The following SLC25A26 variants were observed in gnomAD, a reference collection of about 807,000 sequenced individuals.
The protein encoded by SLC25A26 is mitochondrial S-adenosylmethionine carrier protein.
SLC25A26 carries 36 observed loss-of-function variants against 37.8 expected under a neutral mutation model. The ratio of observed to expected loss-of-function variants is 0.95; its 90% CI spans 0.73 to 1.26. SLC25A26 has a LOEUF of 1.26. Among genes scored for constraint, SLC25A26 ranks in the 50% most tolerant of loss-of-function variants. The pLI is 0.00. For synonymous variants in SLC25A26, 129 were observed against 122.5 expected (o/e 1.05, Z -0.35); for missense variants, 390 against 331.1 (o/e 1.18, Z -1.38).
chr3:66,292,612 A>C (rs1000169190), intron 5 of SLC25A26, among the ~76,000 whole-genome samples: 4 of 152,150 alleles, frequency 2.6e-5, no homozygotes, highest in African/African-American at 7.2e-5. Context: ...AAGAATGTTG[A>C]ATATTGGCCT....
At chr3:66,310,528 G>A (rs191747961) in intron 5 of SLC25A26, among the ~76,000 whole-genome samples, 3 of 152,162 alleles carry the variant, frequency 2.0e-5, no homozygotes, top group East Asian at 1.9e-4. Context: ...GTGTGAATTC[G>A]ATCTGTCATG....
At chr3:66,344,759 T>C (rs1490805014) in intron 5 of SLC25A26, among the ~76,000 whole-genome samples, 2 of 152,214 alleles carry the variant, frequency 1.3e-5, no homozygotes, top group Non-Finnish European at 2.9e-5. Context: ...TCTTAGGAAA[T>C]ATGACATGGG....
chr3:66,333,222 ATTC>A (rs1270366634), intron 5 of SLC25A26, among the ~76,000 whole-genome samples: 4 of 152,130 alleles, frequency 2.6e-5, no homozygotes, highest in African/African-American at 9.7e-5. Flanking sequence ...CCAAGCAAAT[ATTC>A]TTCTGCTTTA....
At chr3:66,258,858 T>G (rs1311057289) in intron 3 of SLC25A26, among the ~76,000 whole-genome samples, 6 of 151,530 alleles carry the variant, frequency 4.0e-5, no homozygotes, top group Non-Finnish European at 7.4e-5. Flanking sequence ...TTTTTTTTTT[T>G]TAATTATTAA....
At chr3:66,291,416 T>C (rs532992501) in intron 5 of SLC25A26, among the ~76,000 whole-genome samples, 1 of 152,238 alleles carries the variant, frequency 6.6e-6, no homozygotes, top group African/African-American at 2.4e-5. Context: ...TTTAGATCTT[T>C]CCTGCTTTCT....
In SLC25A26 at chr3:66,263,386, C is replaced by T. The variant is rs776771859; in HGVS notation, c.453+7C>T. The T allele has an allele frequency of 1.1e-5, 18 of 1,590,156 alleles. No homozygotes were observed. The East Asian group carries it at 4.0e-4, about 36-fold the overall frequency. ...AAGCACAGTTTTAAGAGAGGTAAGT[C>T]ACTTACTTTCCAATATTGAAGTACG... On this transcript the variant is annotated splice_region_variant and intron_variant, in intron 5 of 9. Transcript: ENST00000354883.
At chr3:66,159,704 G>A (rs762063710) in intron 1 of SLC25A26, among the ~76,000 whole-genome samples, 2 of 152,248 alleles carry the variant, frequency 1.3e-5, no homozygotes, top group African/African-American at 2.4e-5. Flanking sequence ...GCATGTACTC[G>A]AAAAGCCTGA....
intron 9 of SLC25A26, chr3:66,371,253 G>C (rs771753779): frequency 1.3e-6 from 2 of 1,547,476 alleles, no homozygotes; most frequent in Non-Finnish European, 1.7e-6. Context: ...GCCTCCCTTT[G>C]CAGAGGGTCG....
intron 3 of SLC25A26, among the ~76,000 whole-genome samples, chr3:66,261,850 G>A (rs1010464956): frequency 3.3e-5 from 5 of 151,734 alleles, no homozygotes; most frequent in African/African-American, 1.2e-4. Context: ...GGACAAGCCA[G>A]GAAAGGTTCT....
At chr3:66,301,081 C>G (rs2075063290) in intron 5 of SLC25A26, among the ~76,000 whole-genome samples, 2 of 151,924 alleles carry the variant, frequency 1.3e-5, no homozygotes, top group South Asian at 4.1e-4. Context: ...ATTGTGTCCT[C>G]AAATAATTGG....
chr3:66,355,879 C>T (rs2076562967), intron 6 of SLC25A26, among the ~76,000 whole-genome samples: 1 of 152,088 alleles, frequency 6.6e-6, no homozygotes. Flanking sequence ...CAAGAGCAAG[C>T]CTAGGTTTGA....
intron 5 of SLC25A26, among the ~76,000 whole-genome samples, chr3:66,277,526 G>A (rs536490118): frequency 2.6e-4 from 39 of 152,146 alleles, no homozygotes; most frequent in African/African-American, 8.4e-4. Flanking sequence ...AGCATGAAAA[G>A]TGATGGATGT....
At chr3:66,220,996 A>G (rs912327153), upstream of SLC25A26, 7 of 1,337,194 alleles carry the variant, frequency 5.2e-6, no homozygotes, top group Middle Eastern at 1.8e-4. Flanking sequence ...CCGGAAGTTC[A>G]AGACAGACCC....
chr3:66,292,801 C>G (rs934488411), intron 5 of SLC25A26, among the ~76,000 whole-genome samples: 4 of 152,074 alleles, frequency 2.6e-5, no homozygotes, highest in Admixed American at 2.6e-4. Context: ...TAGTGGTGTT[C>G]TCTGAATTTC....
At chr3:66,319,744 CTTTTTTTTT>C (rs71105981) in intron 5 of SLC25A26, among the ~76,000 whole-genome samples, 7,481 of 91,952 alleles carry the variant, frequency 0.081, 248 homozygotes, top group Non-Finnish European at 0.11. Flanking sequence ...GCAATTAAAT[CTTTTTTTTT>C]TTTTTTTTTT....
chr3:66,268,385 T>C (rs984907300), intron 5 of SLC25A26, among the ~76,000 whole-genome samples: 22 of 152,226 alleles, frequency 1.4e-4, no homozygotes, highest in African/African-American at 5.3e-4. Flanking sequence ...AGCCTTCTGT[T>C]TTCCCCTGCC....
intron 5 of SLC25A26, chr3:66,304,581 G>C (rs1323942410): frequency 2.3e-6 from 1 of 429,018 alleles, no homozygotes; most frequent in Non-Finnish European, 4.6e-6. Flanking sequence ...TGCTAACTGG[G>C]ATATACGCTA....
chr3:66,293,720 T>C (rs1246067833), intron 5 of SLC25A26, among the ~76,000 whole-genome samples: 1 of 152,204 alleles, frequency 6.6e-6, no homozygotes, highest in African/African-American at 2.4e-5. Context: ...GGAAGTGATG[T>C]CGTTTTTTCT....
intron 9 of SLC25A26, among the ~76,000 whole-genome samples, chr3:66,376,194 A>G (rs1364404105): frequency 6.6e-6 from 1 of 151,932 alleles, no homozygotes; most frequent in Non-Finnish European, 1.5e-5. Context: ...ATCTATTGAG[A>G]TGAATCTACT....
Sources: gnomAD v4.1 joint callset for allele counts (sites outside exome capture counted in the v4.1 genomes callset) on GRCh38, gnomAD v4.1.1 for gene constraint, MANE v1.5 for transcripts, NCBI Gene and HGNC (gene_info 2026-07-23, HGNC 2026-07-21) for gene names.